Variants in DLEC1 observed in about 807,000 individuals in gnomAD.
The protein encoded by DLEC1 is DLEC1 cilia and flagella associated protein, also known as deleted in lung and esophageal cancer protein 1.
DLEC1 carries 146 observed loss-of-function variants against 198.1 expected under a neutral mutation model. That is an observed-to-expected ratio of 0.74 (90% CI 0.64 to 0.85). DLEC1 has a LOEUF of 0.85. DLEC1 is among the 40% of genes least tolerant of loss of function. DLEC1 has a pLI of 0.00. For synonymous variants in DLEC1, 897 were observed against 866.8 expected, an observed-to-expected ratio of 1.03 and a Z score of -0.61; for missense variants, 2,233 against 2,220.0, an observed-to-expected ratio of 1.01 and a Z score of -0.12.
At chr3:38,082,094 G>T (rs1297894580) in intron 6 of DLEC1, among the ~76,000 whole-genome samples, 2 of 147,492 alleles carry the variant, frequency 1.4e-5, no homozygotes, top group Admixed American at 6.7e-5. Flanking sequence ...CGGCCGGGCA[G>T]AGACCCTCCT....
intron 6 of DLEC1, among the ~76,000 whole-genome samples, chr3:38,070,331 A>C (rs982190867): frequency 3.2e-4 from 48 of 152,356 alleles, no homozygotes; most frequent in African/African-American, 1.1e-3. Flanking sequence ...CAAAACTTTG[A>C]AACCAGATAT....
chr3:38,097,326 G>A, intron 16 of DLEC1, 51 bp downstream of exon 16: 3 of 1,551,258 alleles, frequency 1.9e-6, no homozygotes, highest in African/African-American at 1.4e-5. Context: ...GCTGGCTCAG[G>A]AAGAAATCTT....
chr3:38,111,177 G>A (rs1265520466), intron 23 of DLEC1, among the ~76,000 whole-genome samples: 2 of 152,142 alleles, frequency 1.3e-5, no homozygotes, highest in African/African-American at 4.8e-5. Flanking sequence ...TGAAGCAAGA[G>A]GGCCCAACTT....
Position 38,118,073 on chromosome 3 carries a change from G to C in DLEC1, c.4704+49G>C, listed in dbSNP as rs758456204. The C allele has an allele frequency of 4.5e-6, 7 of 1,545,556 alleles. No individual in the cohort carries two copies. In the South Asian group the frequency reaches 8.3e-5, roughly 18 times the overall value. On this transcript the variant is annotated intron_variant, in intron 33 of 36. Coordinates refer to ENST00000308059, the MANE Select transcript of DLEC1 (RefSeq NM_007335.4). ...TTGCCTCGATGGCACACCCTCACAT[G>C]TGTACAGACAGCACCCCTGCACGCC...
At chr3:38,084,509 A>AGTAGTGGTAGTAGTAGTAGTGGTGGTG in intron 7 of DLEC1, among the ~76,000 whole-genome samples, 1 of 82,772 alleles carries the variant, frequency 1.2e-5, no homozygotes, top group African/African-American at 5.3e-5. Context: ...TAGTGGTAGT[A>AGTAGTGGTAGTAGTAGTAGTGGTGGTG]GTAGTAGTGG....
chr3:38,064,011 T>TC (rs1374991991), intron 6 of DLEC1, 92 bp downstream of exon 6: 20 of 872,216 alleles, frequency 2.3e-5, no homozygotes, highest in South Asian at 1.8e-4. Context: ...TTTTTTCTTT[T>TC]TTTTTTTTTT....
At chr3:38,085,867 C>T (rs941254379) in intron 8 of DLEC1, among the ~76,000 whole-genome samples, 1 of 152,154 alleles carries the variant, frequency 6.6e-6, no homozygotes, top group Admixed American at 6.5e-5. Flanking sequence ...GCTGGGCTCC[C>T]TCAGCGACAA....
At chr3:38,092,936 G>A in intron 11 of DLEC1, 56 bp downstream of exon 11, 2 of 1,544,262 alleles carry the variant, frequency 1.3e-6, no homozygotes, top group Non-Finnish European at 1.8e-6. Context: ...CAGCTCCAGG[G>A]GCCACTGACC....
chr3:38,048,744 T>G (rs1159746518), intron 2 of DLEC1, among the ~76,000 whole-genome samples: 4 of 152,168 alleles, frequency 2.6e-5, no homozygotes, highest in Admixed American at 6.5e-5. Context: ...GTTGATGACT[T>G]CTCTTAGAGT....
chr3:38,084,896 C>T (rs959668900), intron 7 of DLEC1, among the ~76,000 whole-genome samples: 1 of 152,088 alleles, frequency 6.6e-6, no homozygotes, highest in Non-Finnish European at 1.5e-5. Flanking sequence ...CAGCAGCAGC[C>T]CCCCAGCCAG....
At chr3:38,064,547 G>T (rs993375169) in intron 6 of DLEC1, among the ~76,000 whole-genome samples, 2 of 151,942 alleles carry the variant, frequency 1.3e-5, no homozygotes, top group African/African-American at 2.4e-5. Flanking sequence ...ACGGGGTGGC[G>T]GCCGGGCAGA....
chr3:38,068,404 T>C (rs536755342), intron 6 of DLEC1, among the ~76,000 whole-genome samples: 1 of 152,262 alleles, frequency 6.6e-6, no homozygotes, highest in South Asian at 2.1e-4. Context: ...CTAATTTTTG[T>C]ATTTTTTGTA....
rs1416874679 is a variant in DLEC1 at position 38,100,380 on chromosome 3, A to C, written c.2819A>C (p.His940Pro). The C allele has an allele frequency of 6.2e-7, 1 of 1,613,884 alleles. No individual in the cohort carries two copies. The change falls in exon 19 of 37, where the codon CAT becomes CCT. Residue 940 changes from histidine to proline, a missense_variant. Coordinates refer to ENST00000308059, the MANE Select transcript of DLEC1 (RefSeq NM_007335.4). The stretch of plus-strand genomic sequence containing the variant: ...ACCTTGGAGGCCCTGCACTGCCAGC[A>C]TCTGGAGACCGTCCTGGAGCTGGAG... ...DITLEALHCQ[H>P]LETVLELEVE...
chr3:38,039,638 T>C lies in DLEC1; in HGVS notation c.411+2T>C, dbSNP rs1700560238. ...GAGTTCGTGGACCAGCTGCAGCAGG[T>C]AACGTGGCGGTGGCGTCGCGTCTGC... On this transcript the variant is annotated splice_donor_variant, in intron 1 of 36. Coordinates refer to ENST00000308059, the MANE Select transcript of DLEC1 (RefSeq NM_007335.4). LOFTEE classifies it high-confidence loss of function. 6.3e-7 allele frequency: 1 copy of C among 1,593,984 alleles called. No individual in the cohort carries two copies. The highest frequency in any genetic ancestry group is 8.6e-7 in the Non-Finnish European group (1 of 1,166,944).
At chr3:38,077,132 A>AT (rs1461391753) in intron 6 of DLEC1, among the ~76,000 whole-genome samples, 2 of 152,196 alleles carry the variant, frequency 1.3e-5, no homozygotes, top group African/African-American at 2.4e-5. Context: ...GCCAGCAAAG[A>AT]TTATTTATTT....
chr3:38,043,356 T>A (rs951850682), intron 1 of DLEC1, among the ~76,000 whole-genome samples: 1 of 152,344 alleles, frequency 6.6e-6, no homozygotes, highest in South Asian at 2.1e-4. Context: ...TAGTTGGTCT[T>A]GTTATTTGGA....
At chr3:38,086,103 C>A in intron 8 of DLEC1, 138 bp from the exon 9 acceptor site, 1 of 1,229,098 alleles carries the variant, frequency 8.1e-7, no homozygotes, top group Non-Finnish European at 1.1e-6. Context: ...GACATGTCCC[C>A]ACTCATCCTC....
Position 38,097,198 on chromosome 3 carries a change from A to G in DLEC1, c.2357A>G (p.Lys786Arg). 6.3e-7 allele frequency: 1 copy of G among 1,578,354 alleles called. No individual in the cohort carries two copies. Among genetic ancestry groups the G allele is most frequent in the Non-Finnish European group, 8.6e-7 (1 of 1,160,584 alleles). The change falls in exon 16 of 37, where the codon AAG (lysine) becomes AGG (arginine). Residue 786 changes from lysine (K) to arginine (R), a missense_variant. Transcript: ENST00000308059. Reference protein sequence around the residue: ...KKAFKMWNNSKSPIRYLWGKI... With the variant: ...KKAFKMWNNSRSPIRYLWGKI... The stretch of plus-strand genomic sequence containing the variant: ...GTCTTTCAGATGTGGAACAACAGCA[A>G]GTCACCCATCAGATACCTGTGGGGG...
At position 38,107,583 on chromosome 3, in the gene DLEC1, G is replaced by T; in HGVS notation, c.2865-1G>T. On this transcript the variant is annotated splice_acceptor_variant, in intron 19 of 36. Coordinates refer to ENST00000308059, the MANE Select transcript of DLEC1 (RefSeq NM_007335.4). LOFTEE classifies it high-confidence loss of function. ...ATGCCTTTTGTTTCCTCGTGTTCCA[G>T]CTACCTTCCTGTGTATGCTGAGGTA... The T allele has an allele frequency of 6.3e-7, 1 of 1,599,248 alleles. No individual in the cohort carries two copies. The highest frequency in any genetic ancestry group is 8.5e-7 in the Non-Finnish European group (1 of 1,171,416).
Sources: allele counts gnomAD v4.1 joint callset (sites outside exome capture counted in the v4.1 genomes callset), GRCh38; gene constraint gnomAD v4.1.1; transcripts MANE v1.5; gene names NCBI Gene and HGNC (gene_info 2026-07-23, HGNC 2026-07-21).